Variants in LLGL2 observed in about 807,000 individuals in gnomAD.
LLGL2 encodes LLGL scribble cell polarity complex component 2, also known as LLGL2, scribble cell polarity complex component.
In LLGL2, 81 loss-of-function variants were observed where a neutral mutation model predicts 123.2. That is an observed-to-expected ratio of 0.66 (90% CI 0.55 to 0.79). The LOEUF is 0.79. Ranked by LOEUF, LLGL2 falls within the 30% of genes least tolerant of loss-of-function variation. The pLI is 0.00. For missense variants in LLGL2, 1,273 were observed against 1,414.6 expected, an observed-to-expected ratio of 0.90 and a Z score of 1.61; for synonymous variants, 577 against 594.1, an observed-to-expected ratio of 0.97 and a Z score of 0.42.
At chr17:75,530,704 T>TACATGG (rs993403737) in intron 1 of LLGL2, among the ~76,000 whole-genome samples, 2 of 150,444 alleles carry the variant, frequency 1.3e-5, no homozygotes, top group African/African-American at 4.9e-5. Context: ...TTGTCCCAAT[T>TACATGG]ACATGGGATC....
intron 6 of LLGL2, among the ~76,000 whole-genome samples, chr17:75,561,759 A>G (rs1049071216): frequency 6.6e-6 from 1 of 152,120 alleles, no homozygotes. Flanking sequence ...CGTCTCTACT[A>G]AAAGTATAAA....
rs2055857036 is a variant in LLGL2 at position 75,574,026 on chromosome 17, C to T, written c.2905+46C>T. On this transcript the variant is annotated intron_variant, in intron 22 of 25. Coordinates refer to ENST00000392550, the MANE Select transcript of LLGL2 (RefSeq NM_001031803.2). ...TCATGCACACCTGGGCCACACCCGG[C>T]CCAGACCTGGGGCTGGACGGGAGGG... is the stretch of plus-strand genomic sequence containing the variant. 4 of 1,550,382 alleles carry T rather than the reference C, an allele frequency of 2.6e-6. No homozygotes were observed. In the East Asian group the frequency reaches 9.8e-5, roughly 38 times the overall value.
At chr17:75,557,744 A>C in intron 3 of LLGL2, 1 of 334,306 alleles carries the variant, frequency 3.0e-6, no homozygotes, top group South Asian at 2.3e-5. Context: ...TCTAGTTACC[A>C]ATCCCTGGTG....
intron 19 of LLGL2, among the ~76,000 whole-genome samples, 194 bp from the exon 20 acceptor site, chr17:75,572,820 G>T (rs1220182244): frequency 6.7e-6 from 1 of 149,658 alleles, no homozygotes; most frequent in Non-Finnish European, 1.5e-5. Context: ...ACTCCATCTC[G>T]GAGGAAAAAA....
chr17:75,527,440 G>A lies in LLGL2; in HGVS notation c.-31+1615G>A, dbSNP rs2053612778. ...CCTGGACAGGGTTTCCGGGGTCCAG[G>A]GTCATTTGGCATCCCCATTCTTCCT... On this transcript the variant is annotated intron_variant, in intron 1 of 25. Transcript: ENST00000392550. 2.0e-5 allele frequency among the ~76,000 whole-genome samples: 3 copies of A among 152,028 alleles called. No individual in the cohort carries two copies. In the South Asian group the frequency reaches 6.2e-4, roughly 31 times the overall value.
intron 2 of LLGL2, among the ~76,000 whole-genome samples, chr17:75,548,712 C>T (rs1309871776): frequency 1.2e-4 from 18 of 149,988 alleles, no homozygotes; most frequent in African/African-American, 2.9e-4. Flanking sequence ...GCCAAGATCG[C>T]GCCATTGCAC....
At chr17:75,573,359 G>C in intron 20 of LLGL2, 81 bp downstream of exon 20, 1 of 1,552,514 alleles carries the variant, frequency 6.4e-7, no homozygotes, top group Non-Finnish European at 8.8e-7. Context: ...TTGTGGCCAC[G>C]GCCAGACTGG....
chr17:75,536,132 G>C (rs117031010), intron 1 of LLGL2, among the ~76,000 whole-genome samples: 37 of 152,360 alleles, frequency 2.4e-4, no homozygotes, highest in African/African-American at 8.4e-4. Flanking sequence ...CAGGAGTGGA[G>C]ACTGAGGTTG....
Position 75,564,051 on chromosome 17 carries a change from C to T in LLGL2, c.881+245C>T, listed in dbSNP as rs1854029167. Among the ~76,000 whole-genome samples the T allele has an allele frequency of 6.6e-6, 1 of 152,236 alleles. No individual in the cohort carries two copies. The highest frequency in any genetic ancestry group is 2.1e-4 in the South Asian group (1 of 4,834). On this transcript the variant is annotated intron_variant, in intron 9 of 25. Coordinates refer to ENST00000392550, the MANE Select transcript of LLGL2 (RefSeq NM_001031803.2). The surrounding 1 kb of genome is among the most constrained non-coding windows in gnomAD (Gnocchi z 4.9). ...AGAGAGACGGTACTGAGCAGCAGGT[C>T]TTAAACTCCTTTAGTTGGCAGCCCT...
In LLGL2 at chr17:75,569,068, C is replaced by A; in HGVS notation, c.1413C>A (p.Thr471=). The change falls in exon 13 of 26, where the codon ACC becomes ACA. Residue 471 remains threonine (T), a synonymous_variant. Coordinates refer to ENST00000392550, the MANE Select transcript of LLGL2 (RefSeq NM_001031803.2). ...TCAGCACTGTGCGCGTGTTCCTCAC[C>A]GACACGGACCCCAACGAGAACTTCA... ...YKLSTVRVFL[T]DTDPNENFSA... is the part of the protein sequence containing the mutation. The A allele has an allele frequency of 6.2e-7, 1 of 1,612,870 alleles. No homozygotes were observed. The highest frequency in any genetic ancestry group is 1.1e-5 in the South Asian group (1 of 90,910).
intron 1 of LLGL2, among the ~76,000 whole-genome samples, chr17:75,528,216 C>T (rs1178896437): frequency 1.3e-5 from 2 of 151,982 alleles, no homozygotes; most frequent in South Asian, 2.1e-4. Context: ...CCTGGGTTCA[C>T]GCCATTCTCC....
intron 10 of LLGL2, among the ~76,000 whole-genome samples, chr17:75,567,570 CGGA>C (rs1178312738): frequency 1.2e-4 from 18 of 151,014 alleles, no homozygotes; most frequent in Admixed American, 3.3e-4. Context: ...ACCCGGGAGG[CGGA>C]GGTTGCAGTG....
chr17:75,527,929 A>G (rs899911095), intron 1 of LLGL2, among the ~76,000 whole-genome samples: 5 of 150,844 alleles, frequency 3.3e-5, no homozygotes, highest in African/African-American at 9.8e-5. Flanking sequence ...CTGGGACTAC[A>G]AGCGCGCAGC....
Position 75,568,188 on chromosome 17 carries a change from C to T in LLGL2, c.1037-288C>T, listed in dbSNP as rs916499799. The T allele has an allele frequency of 7.5e-6, 10 of 1,334,446 alleles. No homozygotes were observed. The Admixed American group carries it at 2.8e-4, about 37-fold the overall frequency. The allele number at this position is 1,334,446 out of a possible 1,614,324, so 82.7% of individuals were successfully genotyped here. ...AACCAGGGAAGAGGGTTGGCAGGCA[C>T]AGCTGCATGCCTCTGGGGTGCCTAT... On this transcript the variant is annotated intron_variant, in intron 10 of 25. Transcript: ENST00000392550.
At chr17:75,551,435 T>A (rs2054667517) in intron 2 of LLGL2, among the ~76,000 whole-genome samples, 1 of 123,082 alleles carries the variant, frequency 8.1e-6, no homozygotes, top group African/African-American at 3.1e-5. Context: ...CAAAGCTTAG[T>A]GGGTCTGACT....
intron 19 of LLGL2, among the ~76,000 whole-genome samples, 173 bp from the exon 20 acceptor site, chr17:75,572,841 A>G (rs1307859551): frequency 1.3e-5 from 2 of 150,634 alleles, no homozygotes; most frequent in African/African-American, 4.9e-5. Flanking sequence ...AAAAAAATCC[A>G]GATAGGGAAG....
chr17:75,574,633 G>C lies in LLGL2; in HGVS notation c.3020G>C (p.Arg1007Pro), dbSNP rs372865631. The C allele has an allele frequency of 9.9e-6, 16 of 1,612,246 alleles. No homozygotes were observed. The highest frequency in any genetic ancestry group is 8.9e-5 in the East Asian group (4 of 44,832). Reference sequence around the variant, plus strand: ...AGGAGCGGCAACTGGCGTTCACATCGAGCCGCCGTGGGGTGCAGCCTCAGC... The same window carrying C: ...AGGAGCGGCAACTGGCGTTCACATCCAGCCGCCGTGGGGTGCAGCCTCAGC... ...DRGSGNWRSHRAAVGCSLSNG... is the reference protein window; with the variant it reads ...DRGSGNWRSHPAAVGCSLSNG... The change falls in exon 25 of 26, where the codon CGA (arginine) becomes CCA (proline). Residue 1007 changes from arginine (R) to proline (P), a missense_variant. Coordinates refer to ENST00000392550, the MANE Select transcript of LLGL2 (RefSeq NM_001031803.2).
chr17:75,560,092 C>T (rs973322540), intron 6 of LLGL2, among the ~76,000 whole-genome samples: 9 of 152,186 alleles, frequency 5.9e-5, no homozygotes, highest in Non-Finnish European at 1.2e-4. Context: ...AGGCTTTGGA[C>T]TGGGCCTGGG....
At chr17:75,528,147 GCT>G (rs1043723986) in intron 1 of LLGL2, among the ~76,000 whole-genome samples, 2 of 151,326 alleles carry the variant, frequency 1.3e-5, no homozygotes, top group African/African-American at 4.9e-5. Context: ...ACAGAGTCTC[GCT>G]CTGTCACCCA....
Sources: gnomAD v4.1 joint callset for allele counts (sites outside exome capture counted in the v4.1 genomes callset) on GRCh38, gnomAD v4.1.1 for gene constraint, Gnocchi (gnomAD v3.1) non-coding constraint, MANE v1.5 for transcripts, NCBI Gene and HGNC (gene_info 2026-07-23, HGNC 2026-07-21) for gene names.